TEX36: variants seen among roughly 807,000 people sequenced by gnomAD.
TEX36 encodes the protein testis-expressed protein 36.
Under a neutral mutation model 13.6 loss-of-function variants are expected in TEX36, and 12 were observed. The observed-to-expected ratio is 0.88, with a 90% confidence interval of 0.56 to 1.43. TEX36 has a LOEUF of 1.43. Among genes scored for constraint, TEX36 ranks in the 40% most tolerant of loss-of-function variants. The pLI is 0.00. For synonymous variants in TEX36, 93 were observed against 83.0 expected, an observed-to-expected ratio of 1.12 and a Z score of -0.65; for missense variants, 224 against 228.3, an observed-to-expected ratio of 0.98 and a Z score of 0.12.
At chr10:125,593,348 C>G (rs1846045401) in intron 3 of TEX36, among the ~76,000 whole-genome samples, 1 of 152,222 alleles carries the variant, frequency 6.6e-6, no homozygotes, top group South Asian at 2.1e-4. Flanking sequence ...ATCCCCAACT[C>G]CTGAGAAGTT....
At chr10:125,578,148 C>T (rs1279235880) in intron 3 of TEX36, 1 of 152,156 alleles carries the variant, frequency 6.6e-6, no homozygotes, top group Non-Finnish European at 1.5e-5. Flanking sequence ...TCCCAGAGAA[C>T]CTATGGATTT....
At chr10:125,624,286 T>C (rs1325975894) in intron 3 of TEX36, among the ~76,000 whole-genome samples, 2 of 152,232 alleles carry the variant, frequency 1.3e-5, no homozygotes, top group Non-Finnish European at 2.9e-5. Flanking sequence ...GATGCTCATG[T>C]GAATTTTGAC....
At chr10:125,630,493 A>C (rs770572670) in intron 3 of TEX36, among the ~76,000 whole-genome samples, 1 of 152,208 alleles carries the variant, frequency 6.6e-6, no homozygotes, top group South Asian at 2.1e-4. Flanking sequence ...GAGAGAGAGA[A>C]TACTAGGCAA....
At chr10:125,593,557 G>A (rs1846048016) in intron 3 of TEX36, among the ~76,000 whole-genome samples, 1 of 152,184 alleles carries the variant, frequency 6.6e-6, no homozygotes, top group African/African-American at 2.4e-5. Flanking sequence ...ATTCGTGGAT[G>A]GTGCAAAGCA....
chr10:125,618,897 G>A (rs186953100), downstream of TEX36, among the ~76,000 whole-genome samples: 1 of 140,056 alleles, frequency 7.1e-6, no homozygotes, highest in Non-Finnish European at 1.5e-5. Flanking sequence ...ACTAGGTCAG[G>A]AGATCGAGAC....
At chr10:125,627,918 C>T (rs1191557920) in intron 3 of TEX36, among the ~76,000 whole-genome samples, 1 of 152,166 alleles carries the variant, frequency 6.6e-6, no homozygotes, top group African/African-American at 2.4e-5. Flanking sequence ...CCACAGGAGA[C>T]TCTTCAAAGA....
chr10:125,680,453 T>C (rs1191838994), intron 1 of TEX36, among the ~76,000 whole-genome samples: 1 of 152,248 alleles, frequency 6.6e-6, no homozygotes, highest in Non-Finnish European at 1.5e-5. Context: ...TGTTAGATAT[T>C]GTAACCGTGA....
chr10:125,590,739 A>G (rs1313257570), intron 3 of TEX36, among the ~76,000 whole-genome samples: 3 of 152,186 alleles, frequency 2.0e-5, no homozygotes, highest in African/African-American at 7.2e-5. Flanking sequence ...AATGAGAATA[A>G]TATTGTCTGA....
chr10:125,673,026 A>C (rs1170811580), intron 1 of TEX36, among the ~76,000 whole-genome samples: 1 of 152,136 alleles, frequency 6.6e-6, no homozygotes, highest in Non-Finnish European at 1.5e-5. Context: ...GTGTCTTTGC[A>C]CGTGAGATGG....
intron 3 of TEX36, among the ~76,000 whole-genome samples, chr10:125,603,657 G>GTT (rs1402651500): frequency 6.6e-6 from 1 of 152,184 alleles, no homozygotes; most frequent in African/African-American, 2.4e-5. Flanking sequence ...TCTGTGGCAG[G>GTT]GCATGCAGCC....
At chr10:125,650,527 T>A (rs1846835932) in intron 3 of TEX36, among the ~76,000 whole-genome samples, 1 of 152,156 alleles carries the variant, frequency 6.6e-6, no homozygotes, top group Admixed American at 6.5e-5. Context: ...TAGCACTAAA[T>A]GCCCACAAGA....
chr10:125,597,508 T>A (rs534496762), intron 3 of TEX36, among the ~76,000 whole-genome samples: 10 of 152,332 alleles, frequency 6.6e-5, no homozygotes, highest in African/African-American at 2.4e-4. Context: ...AAGCAGAAGT[T>A]ATGGGAAAAG....
At chr10:125,653,873 A>G (rs981343357), downstream of TEX36, among the ~76,000 whole-genome samples, 13 of 152,180 alleles carry the variant, frequency 8.5e-5, no homozygotes, top group Admixed American at 8.5e-4. Flanking sequence ...TTCTCACTAC[A>G]TAGGAGAATC....
chr10:125,633,253 A>G (rs9422902), intron 3 of TEX36, among the ~76,000 whole-genome samples: 7,545 of 152,232 alleles, frequency 0.05, 286 homozygotes, highest in South Asian at 0.18. Context: ...ACCTGATGAG[A>G]GATGATTTTT....
intron 3 of TEX36, among the ~76,000 whole-genome samples, chr10:125,629,906 A>T (rs1407398595): frequency 1.3e-5 from 2 of 152,138 alleles, no homozygotes; most frequent in African/African-American, 4.8e-5. Flanking sequence ...AGTCACTGTG[A>T]GATACCAGGG....
At chr10:125,637,066 C>A (rs543459771) in intron 3 of TEX36, among the ~76,000 whole-genome samples, 1 of 152,124 alleles carries the variant, frequency 6.6e-6, no homozygotes, top group Admixed American at 6.5e-5. Flanking sequence ...TTTTGGGAGG[C>A]AGAGGCAAGC....
chr10:125,642,645 A>T (rs1846707980), intron 3 of TEX36, among the ~76,000 whole-genome samples: 1 of 152,168 alleles, frequency 6.6e-6, no homozygotes, highest in African/African-American at 2.4e-5. Context: ...ATTGACTTAC[A>T]TCTTAAGAAA....
intron 1 of TEX36, among the ~76,000 whole-genome samples, chr10:125,673,573 C>T (rs377663601): frequency 2.6e-5 from 4 of 151,648 alleles, no homozygotes; most frequent in African/African-American, 9.7e-5. Context: ...AGCTGGGCAT[C>T]GTGTCAGGTG....
In TEX36 at chr10:125,661,839, G is replaced by C. The variant is rs758468420; in HGVS notation, c.183+7C>G. 4.4e-5 allele frequency: 68 copies of C among 1,551,638 alleles called. No homozygotes were observed. The highest frequency in any genetic ancestry group is 5.8e-5 in the Non-Finnish European group (67 of 1,147,002). ...GCACATGGCAGTGGCCAGTGTTCAG[G>C]ACTCACCTTCTCCCGGACTTTGTAT... is the stretch of plus-strand genomic sequence containing the variant. On this transcript the variant is annotated splice_region_variant and intron_variant, in intron 2 of 3. Transcript: ENST00000368821.
Sources: allele counts gnomAD v4.1 joint callset (sites outside exome capture counted in the v4.1 genomes callset), GRCh38; gene constraint gnomAD v4.1.1; transcripts MANE v1.5; gene names NCBI Gene and HGNC (gene_info 2026-07-23, HGNC 2026-07-21).